Variants in COL21A1 observed in about 807,000 individuals in gnomAD.
The protein encoded by COL21A1 is collagen type XXI alpha 1 chain.
COL21A1 carries 149 observed loss-of-function variants against 137.9 expected under a neutral mutation model. The observed-to-expected ratio is 1.08, with a 90% CI of 0.95 to 1.24. The LOEUF is 1.24. Among genes scored for constraint, COL21A1 ranks in the 50% most tolerant of loss-of-function variants. The pLI is 0.00. For missense variants in COL21A1, 1,167 were observed against 1,158.4 expected, an observed-to-expected ratio of 1.01 and a Z score of -0.11; for synonymous variants, 456 against 391.5, an observed-to-expected ratio of 1.16 and a Z score of -1.95.
intron 9 of COL21A1, among the ~76,000 whole-genome samples, chr6:56,160,350 CAGGAAAGTT>C (rs1475106650): frequency 1.3e-5 from 2 of 152,066 alleles, no homozygotes; most frequent in Non-Finnish European, 2.9e-5. Flanking sequence ...AACTGAGGGC[CAGGAAAGTT>C]AGGTAAGTTG....
chr6:56,322,758 G>C (rs1442272991), intron 1 of COL21A1, among the ~76,000 whole-genome samples: 2 of 151,826 alleles, frequency 1.3e-5, no homozygotes, highest in Non-Finnish European at 2.9e-5. Context: ...GTTGACTGTT[G>C]AGGACAGGTT....
At chr6:56,136,033 T>A (rs1773974379) in intron 12 of COL21A1, among the ~76,000 whole-genome samples, 1 of 152,238 alleles carries the variant, frequency 6.6e-6, no homozygotes, top group Non-Finnish European at 1.5e-5. Flanking sequence ...TGGGAAATCA[T>A]ACTTACCTAA....
chr6:56,358,306 C>A (rs1344218359), intron 1 of COL21A1, among the ~76,000 whole-genome samples: 1 of 151,760 alleles, frequency 6.6e-6, no homozygotes. Context: ...TCAAATCAAG[C>A]AACATTTGAA....
At chr6:56,312,574 G>A (rs1325646447) in intron 1 of COL21A1, among the ~76,000 whole-genome samples, 2 of 152,104 alleles carry the variant, frequency 1.3e-5, no homozygotes, top group African/African-American at 2.4e-5. Context: ...TATCCAGCAG[G>A]TACTTAGATA....
chr6:56,183,719 G>T (rs1207458124), intron 1 of COL21A1, among the ~76,000 whole-genome samples: 1 of 152,114 alleles, frequency 6.6e-6, no homozygotes, highest in Non-Finnish European at 1.5e-5. Context: ...ACCATAAGCA[G>T]ATCCAAAGTT....
At chr6:56,375,836 G>A (rs544826045) in intron 1 of COL21A1, among the ~76,000 whole-genome samples, 1 of 152,302 alleles carries the variant, frequency 6.6e-6, no homozygotes, top group African/African-American at 2.4e-5. Context: ...GAATGAGAAT[G>A]AGGGTAGCAG....
chr6:56,347,386 C>T (rs1765618759), intron 1 of COL21A1, among the ~76,000 whole-genome samples: 1 of 152,066 alleles, frequency 6.6e-6, no homozygotes, highest in Non-Finnish European at 1.5e-5. Context: ...GATCTCCTTG[C>T]CCTGGTCTTC....
intron 20 of COL21A1, among the ~76,000 whole-genome samples, chr6:56,072,343 AAACCAAAAC>A (rs1427393903): frequency 6.6e-6 from 1 of 151,560 alleles, no homozygotes; most frequent in Non-Finnish European, 1.5e-5. Flanking sequence ...GATTTTTTTA[AAACCAAAAC>A]ATAGTATAGT....
At chr6:56,222,862 C>T (rs553844582) in intron 1 of COL21A1, among the ~76,000 whole-genome samples, 1 of 152,192 alleles carries the variant, frequency 6.6e-6, no homozygotes, top group Admixed American at 6.5e-5. Context: ...AAACTGAAGC[C>T]TACTTGGTGG....
intron 1 of COL21A1, among the ~76,000 whole-genome samples, chr6:56,376,481 T>C (rs1581788353): frequency 1.3e-5 from 2 of 151,508 alleles, no homozygotes; most frequent in Non-Finnish European, 1.5e-5. Context: ...AGAATATTTA[T>C]ATGCAGAGGG....
chr6:56,219,593 T>C (rs1386947040), intron 1 of COL21A1, among the ~76,000 whole-genome samples: 2 of 152,142 alleles, frequency 1.3e-5, no homozygotes, highest in East Asian at 3.9e-4. Flanking sequence ...AAACATGATC[T>C]GGTTTACAAA....
chr6:56,379,026 G>A (rs969352210), intron 1 of COL21A1, among the ~76,000 whole-genome samples: 1 of 152,228 alleles, frequency 6.6e-6, no homozygotes, highest in Non-Finnish European at 1.5e-5. Flanking sequence ...TACTGGGCTT[G>A]GGAGGCTACC....
rs1776634550 is a variant in COL21A1, at chr6:56,166,992, A to G, written c.1201-9T>C. 1 of 1,604,650 alleles carries G rather than the reference A, an allele frequency of 6.2e-7. No homozygotes were observed. Among genetic ancestry groups the G allele is most frequent in the Non-Finnish European group, 8.5e-7 (1 of 1,173,908 alleles). On this transcript the variant is annotated splice_polypyrimidine_tract_variant and intron_variant, in intron 6 of 29. Coordinates refer to ENST00000244728, the MANE Select transcript of COL21A1 (RefSeq NM_030820.4). ...AACTTTTGGACATCAAACTAAGAAC[A>G]TAAACCCAGTAGAATTAAAGTTGAG... is the stretch of plus-strand genomic sequence containing the variant.
rs758425730 is a variant in COL21A1, at chr6:56,170,779, C to A, written c.896G>T (p.Arg299Ile). 8 of 1,608,546 alleles carry A rather than the reference C, an allele frequency of 5.0e-6. No individual in the cohort carries two copies. In the South Asian group the frequency reaches 6.6e-5, roughly 13 times the overall value. The change falls in exon 5 of 30, where the codon AGA becomes ATA. Residue 299 changes from arginine to isoleucine, a missense_variant. Transcript: ENST00000244728. The stretch of plus-strand genomic sequence containing the variant: ...TGGCCTTCCATCAATAGTTAATATT[C>A]TCCATAAATCCCAAATTTTCTTGAC... ...FKVKKIWDLWRILTIDGRPQI... is the reference protein window; with the variant it reads ...FKVKKIWDLWIILTIDGRPQI...
At chr6:56,156,974 T>C (rs1358701361) in intron 9 of COL21A1, 25 bp from the exon 10 acceptor site, 2 of 1,589,284 alleles carry the variant, frequency 1.3e-6, no homozygotes, top group East Asian at 2.2e-5. Flanking sequence ...AACAAACTTT[T>C]GAGTACAAAA....
At chr6:56,158,227 A>G (rs1004437554) in intron 9 of COL21A1, among the ~76,000 whole-genome samples, 2 of 127,486 alleles carry the variant, frequency 1.6e-5, no homozygotes, top group Admixed American at 7.8e-5. Context: ...CATGATTTCT[A>G]TTAATTCTTC....
rs776101431 is a variant in COL21A1, at chr6:56,164,770, A to C, written c.1287+44T>G. 9.9e-6 allele frequency: 15 copies of C among 1,510,190 alleles called. 3 individuals are homozygous for C. In the South Asian group the frequency reaches 1.9e-4, roughly 19 times the overall value. The allele number at this position is 1,510,190 out of a possible 1,614,324, so 93.5% of individuals were successfully genotyped here. ...TTGGAAAAGAGCTAAGTGGTCCCAC[A>C]ATACAAATATTACCTTAAGGGGAAC... On this transcript the variant is annotated intron_variant, in intron 8 of 29. Transcript: ENST00000244728.
At chr6:56,093,525 A>G (rs969238651) in intron 17 of COL21A1, among the ~76,000 whole-genome samples, 2 of 147,100 alleles carry the variant, frequency 1.4e-5, no homozygotes, top group Admixed American at 6.9e-5. Flanking sequence ...AAAGAAGAAA[A>G]GGTCGCTGAC....
chr6:56,340,084 A>G (rs1269936314), intron 1 of COL21A1, among the ~76,000 whole-genome samples: 2 of 152,164 alleles, frequency 1.3e-5, no homozygotes, highest in East Asian at 3.8e-4. Flanking sequence ...AGAACCGTAC[A>G]TGCCAAACAC....
Sources: gnomAD v4.1 joint callset for allele counts (sites outside exome capture counted in the v4.1 genomes callset) on GRCh38, gnomAD v4.1.1 for gene constraint, MANE v1.5 for transcripts, NCBI Gene and HGNC (gene_info 2026-07-23, HGNC 2026-07-21) for gene names.